DMXL1: variants seen among roughly 807,000 people sequenced by gnomAD.
DMXL1 encodes Dmx like 1, also known as dmX-like protein 1.
A neutral mutation model predicts 319.2 loss-of-function variants in DMXL1; 99 were observed. The observed-to-expected ratio is 0.31, with a 90% CI of 0.26 to 0.37. DMXL1 has a LOEUF of 0.37. DMXL1 is among the 10% of genes least tolerant of loss of function. The pLI is 1.00. For synonymous variants in DMXL1, 1,385 were observed against 1,235.2 expected, an observed-to-expected ratio of 1.12 and a Z score of -2.54; for missense variants, 3,745 against 3,595.6, an observed-to-expected ratio of 1.04 and a Z score of -1.06.
At position 119,149,857 on chromosome 5, in the gene DMXL1, G is replaced by A. The variant is rs1164879851; in HGVS notation, c.4030G>A (p.Ala1344Thr). 1.7e-5 allele frequency: 27 copies of A among 1,613,764 alleles called. No homozygotes were observed. The highest frequency in any genetic ancestry group is 2.0e-5 in the Non-Finnish European group (24 of 1,179,910). The change falls in exon 18 of 44, where the codon GCC (alanine) becomes ACC (threonine). Residue 1344 changes from alanine to threonine, a missense_variant. Transcript: ENST00000539542. The part of the protein sequence containing the change: ...MDLGKVRRAK[A>T]ILSHLVKCIA... ...TCTTGGTAAAGTTCGGAGAGCCAAG[G>A]CCATCTTGTCCCATCTTGTTAAGTG...
intron 25 of DMXL1, 45 bp from the exon 26 acceptor site, chr5:119,175,216 C>T (rs1005863344): frequency 6.8e-7 from 1 of 1,475,034 alleles, no homozygotes; most frequent in Non-Finnish European, 9.2e-7. Flanking sequence ...AAAATCTGCA[C>T]TTTAAAAAGG....
chr5:119,216,923 C>A lies in DMXL1; in HGVS notation c.7949C>A (p.Pro2650His). 1 of 1,598,818 alleles carries A rather than the reference C, an allele frequency of 6.3e-7. No individual in the cohort carries two copies. Among genetic ancestry groups the A allele is most frequent in the South Asian group, 1.1e-5 (1 of 87,396 alleles). Residue 2650 changes from proline (P) to histidine (H), a missense_variant, in exon 35 of 44, where the codon CCT (proline) becomes CAT (histidine). Coordinates refer to ENST00000539542, the MANE Select transcript of DMXL1 (RefSeq NM_001290321.3). ...INKIEADLGY[P>H]GGKARIIHKE... is the part of the protein sequence containing the mutation. ...TAGATAGAAGCAGATTTGGGATATC[C>A]TGGAGGTAAAGCAAGAATTATTCAT...
chr5:119,132,674 CAAA>C (rs372333927), intron 10 of DMXL1: 1,219 of 328,708 alleles, frequency 3.7e-3, no homozygotes, highest in South Asian at 5.7e-3. Context: ...GACTCCGTCT[CAAA>C]AAAAAAAAAA....
intron 13 of DMXL1, among the ~76,000 whole-genome samples, chr5:119,139,542 A>G (rs1766812327): frequency 6.6e-6 from 1 of 152,180 alleles, no homozygotes; most frequent in Non-Finnish European, 1.5e-5. Flanking sequence ...GCATTACACA[A>G]TGGTAAAGGG....
Position 119,170,834 on chromosome 5 carries a change from G to T in DMXL1, c.6043G>T (p.Asp2015Tyr). The change falls in exon 24 of 44, where the codon GAC becomes TAC. Residue 2015 changes from aspartate (D) to tyrosine (Y), a missense_variant. Asp to Tyr is a radical substitution (Grantham distance 160). Around this residue, in one of 4 missense-constraint regions of DMXL1, gnomAD observed 1,382 missense variants for 1,269.5 expected, o/e 1.09. Coordinates refer to ENST00000539542, the MANE Select transcript of DMXL1 (RefSeq NM_001290321.3). The stretch of plus-strand genomic sequence containing the variant: ...ATCTTTCAGCACACTAGATGAAAAT[G>T]ACCTTTTAAATCCATCAGAAGATAT... ...TESFSTLDEN[D>Y]LLNPSEDIIA... 6.2e-7 allele frequency: 1 copy of T among 1,611,634 alleles called. No individual in the cohort carries two copies. Among genetic ancestry groups the T allele is most frequent in the Non-Finnish European group, 8.5e-7 (1 of 1,179,472 alleles).
intron 33 of DMXL1, among the ~76,000 whole-genome samples, chr5:119,204,061 A>T (rs1290060013): frequency 6.6e-6 from 1 of 151,964 alleles, no homozygotes; most frequent in African/African-American, 2.4e-5. Flanking sequence ...TGACCTGGTG[A>T]TCCACCCGCC....
intron 19 of DMXL1, among the ~76,000 whole-genome samples, chr5:119,160,502 G>A (rs568657504): frequency 1.5e-4 from 23 of 152,268 alleles, no homozygotes; most frequent in African/African-American, 4.6e-4. Flanking sequence ...AAAAGAATGC[G>A]TATTCTCTTG....
chr5:119,156,158 C>T (rs1330413663), intron 19 of DMXL1, among the ~76,000 whole-genome samples: 1 of 152,194 alleles, frequency 6.6e-6, no homozygotes, highest in African/African-American at 2.4e-5. Flanking sequence ...GCCATCCCAG[C>T]CTTCAGTAAC....
In DMXL1 at chr5:119,178,076, C is replaced by A; in HGVS notation, c.6967C>A (p.Leu2323Ile). Reference protein sequence around the residue: ...SGLTVLLCEILTAVYLSLFIH... With the variant: ...SGLTVLLCEIITAVYLSLFIH... ...GCTTACAGTCTTGCTCTGTGAGATT[C>A]TCACAGCAGTGTATCTTAGTCTCTT... Residue 2323 changes from leucine (L) to isoleucine (I), a missense_variant, in exon 28 of 44, where the codon CTC becomes ATC. Transcript: ENST00000539542. 6.2e-7 allele frequency: 1 copy of A among 1,613,960 alleles called. No individual in the cohort carries two copies. The highest frequency in any genetic ancestry group is 1.7e-4 in the Middle Eastern group (1 of 6,058).
At chr5:119,166,253 T>C (rs1290076456) in intron 21 of DMXL1, among the ~76,000 whole-genome samples, 1 of 152,202 alleles carries the variant, frequency 6.6e-6, no homozygotes, top group African/African-American at 2.4e-5. Flanking sequence ...GCACATTCTT[T>C]AGATTTTTAT....
chr5:119,125,633 C>G (rs190276330), intron 9 of DMXL1, among the ~76,000 whole-genome samples: 1 of 151,434 alleles, frequency 6.6e-6, no homozygotes. Flanking sequence ...GGTGTGATCT[C>G]GGCTCACAGC....
At chr5:119,125,844 G>A (rs1402607885) in intron 9 of DMXL1, among the ~76,000 whole-genome samples, 5 of 152,120 alleles carry the variant, frequency 3.3e-5, no homozygotes, top group African/African-American at 4.8e-5. Flanking sequence ...GAATACAGGC[G>A]TGAGCCACCG....
intron 38 of DMXL1, among the ~76,000 whole-genome samples, chr5:119,226,710 T>C (rs767837029): frequency 6.6e-6 from 1 of 152,170 alleles, no homozygotes; most frequent in Non-Finnish European, 1.5e-5. Context: ...TCGCAGGTTA[T>C]CAGTTTTCAC....
In DMXL1 at chr5:119,129,309, C is replaced by T. The variant is rs1764289958; in HGVS notation, c.1201C>T (p.His401Tyr). ...VVHWLNNKEL[H>Y]FTLSMEVFLQ... ...ACACTGGCTAAACAATAAAGAACTG[C>T]ATTTTACTTTGTCCATGGAAGTTTT... is the stretch of plus-strand genomic sequence containing the variant. Residue 401 changes from histidine (H) to tyrosine (Y), a missense_variant, in exon 10 of 44, where the codon CAT becomes TAT. By Grantham distance (83) the His-to-Tyr change is moderately conservative. Around this residue, in one of 4 missense-constraint regions of DMXL1, gnomAD observed 2,096 missense variants for 1,985.4 expected, o/e 1.06. Transcript: ENST00000539542. 3 of 1,613,438 alleles carry T rather than the reference C, an allele frequency of 1.9e-6. No individual in the cohort carries two copies. Among genetic ancestry groups the T allele is most frequent in the South Asian group, 2.2e-5 (2 of 91,068 alleles).
intron 9 of DMXL1, among the ~76,000 whole-genome samples, chr5:119,124,211 A>C (rs1222478670): frequency 6.6e-6 from 1 of 151,038 alleles, no homozygotes; most frequent in African/African-American, 2.4e-5. Context: ...GCTACTTGGG[A>C]GGCTGGGGCA....
At chr5:119,165,104 G>GT in intron 20 of DMXL1, 79 bp from the exon 21 acceptor site, 4 of 814,712 alleles carry the variant, frequency 4.9e-6, no homozygotes, top group Non-Finnish European at 8.2e-6. Flanking sequence ...CAATGGATAT[G>GT]TGCCAGCCTT....
rs996034989 is a variant in DMXL1, at chr5:119,232,157, A to G, written c.8339-1183A>G. 3.9e-5 allele frequency among the ~76,000 whole-genome samples: 6 copies of G among 152,116 alleles called. No homozygotes were observed. In the South Asian group the frequency reaches 1.2e-3, roughly 32 times the overall value. ...CACCAAACCCAGCTCTTAATTTTTT[A>G]ACGTTATAAATAATAATAGAAAAGT... On this transcript the variant is annotated intron_variant, in intron 38 of 43. Transcript: ENST00000539542.
chr5:119,167,839 A>G lies in DMXL1; in HGVS notation c.5373A>G (p.Ile1791Met), dbSNP rs1773737755. 1.9e-6 allele frequency: 3 copies of G among 1,612,880 alleles called. No individual in the cohort carries two copies. Among genetic ancestry groups the G allele is most frequent in the East Asian group, 2.2e-5 (1 of 44,780 alleles). Reference sequence around the variant, plus strand: ...ATAGTGGTGCTCTGGAAACATTAATAAAGCAACCTATCAGAGAGAATGATG... The same window carrying G: ...ATAGTGGTGCTCTGGAAACATTAATGAAGCAACCTATCAGAGAGAATGATG... ...EDYSGALETL[I>M]KQPIRENDDQ... Residue 1791 changes from isoleucine (I) to methionine (M), a missense_variant, in exon 23 of 44, where the codon ATA (isoleucine) becomes ATG (methionine). Transcript: ENST00000539542.
At chr5:119,095,174 G>C (rs1032648610) in intron 1 of DMXL1, among the ~76,000 whole-genome samples, 4 of 152,124 alleles carry the variant, frequency 2.6e-5, no homozygotes, top group Admixed American at 2.0e-4. Context: ...AATTTTATTT[G>C]ATTTAAAATT....
Sources: gnomAD v4.1 joint callset for allele counts (sites outside exome capture counted in the v4.1 genomes callset) on GRCh38, gnomAD v4.1.1 for gene constraint, gnomAD v4.1.1 regional missense constraint, MANE v1.5 for transcripts, NCBI Gene and HGNC (gene_info 2026-07-23, HGNC 2026-07-21) for gene names.